The following PCDHA3 variants were observed in gnomAD, a reference collection of about 807,000 sequenced individuals.
The protein encoded by PCDHA3 is protocadherin alpha-3.
In PCDHA3, 41 loss-of-function variants were observed where a neutral mutation model predicts 62.2. The observed-to-expected ratio is 0.66, with a 90% CI of 0.51 to 0.86. The LOEUF is 0.86. Ranked by LOEUF, PCDHA3 falls within the 40% of genes least tolerant of loss-of-function variation. The pLI is 0.00. For missense variants in PCDHA3, 1,304 were observed against 1,241.2 expected (o/e 1.05, Z -0.76); for synonymous variants, 640 against 555.4 (o/e 1.15, Z -2.14).
rs1451807345 is a variant in PCDHA3, at chr5:140,860,140, T to A, written c.2394+56549T>A. 3 of 150,428 alleles carry A rather than the reference T, an allele frequency of 2.0e-5. No homozygotes were observed. The South Asian group carries it at 6.2e-4, about 31-fold the overall frequency. 9.3% of individuals were successfully genotyped at this position (150,428 alleles called of 1,614,324 possible). On this transcript the variant is annotated intron_variant, in intron 1 of 3. Transcript: ENST00000522353. ...CTTGTACTGTGTGTGTGTGTATATA[T>A]ATGTATATATGTGTATATATATATG...
chr5:140,872,160 C>A (rs782612001), intron 1 of PCDHA3, among the ~76,000 whole-genome samples: 10 of 151,070 alleles, frequency 6.6e-5, no homozygotes, highest in African/African-American at 9.8e-5. Context: ...ACATGATTTA[C>A]TTTTCTTTTT....
chr5:140,961,571 A>AT (rs2095622432), intron 1 of PCDHA3, among the ~76,000 whole-genome samples: 1 of 152,076 alleles, frequency 6.6e-6, no homozygotes. Flanking sequence ...TTTTGTTTTG[A>AT]TAAGCATTTA....
chr5:140,812,658 C>T (rs1765153974), intron 1 of PCDHA3: 1 of 152,166 alleles, frequency 6.6e-6, no homozygotes, highest in African/African-American at 2.4e-5. Context: ...CAAGATCTCA[C>T]TATGATGTAC....
intron 1 of PCDHA3, chr5:140,849,515 T>C: frequency 6.3e-7 from 1 of 1,596,992 alleles, no homozygotes; most frequent in Non-Finnish European, 8.6e-7. Context: ...TTGTGGAAGT[T>C]GTGGATGTAA....
At chr5:140,967,056 G>C in intron 1 of PCDHA3, 1 of 1,612,712 alleles carries the variant, frequency 6.2e-7, no homozygotes, top group Non-Finnish European at 8.5e-7. Flanking sequence ...CTGACGAGTG[G>C]AGCGCTCTTC....
At chr5:140,823,690 A>G in intron 1 of PCDHA3, 2 of 1,613,904 alleles carry the variant, frequency 1.2e-6, no homozygotes, top group South Asian at 2.2e-5. Context: ...TCTGGATGAG[A>G]CCGAAGCACC....
Position 140,979,718 on chromosome 5 carries a change from T to C in PCDHA3, c.2453+711T>C, listed in dbSNP as rs372148471. Among the ~76,000 whole-genome samples, 17 of 152,388 alleles carry C rather than the reference T, an allele frequency of 1.1e-4. No homozygotes were observed. The East Asian group carries it at 2.7e-3, about 24-fold the overall frequency. On this transcript the variant is annotated intron_variant, in intron 2 of 3. Transcript: ENST00000522353. ...ATTTCTGGAGGTGATCCAGTATCCA[T>C]GCCATGGGGCCAAATAAAAGATTCA...
intron 1 of PCDHA3, chr5:140,815,313 T>C (rs1330793235): frequency 1.3e-5 from 2 of 152,162 alleles, no homozygotes; most frequent in Non-Finnish European, 2.9e-5. Flanking sequence ...AGAATTGTAA[T>C]GCTATGTTTT....
intron 1 of PCDHA3, among the ~76,000 whole-genome samples, chr5:140,901,300 C>T (rs189786790): frequency 3.3e-5 from 5 of 152,176 alleles, no homozygotes; most frequent in African/African-American, 9.6e-5. Flanking sequence ...ACTGATGTTC[C>T]GGAGAGTTTC....
chr5:141,009,948 T>C lies in PCDHA3; in HGVS notation c.*11T>C, dbSNP rs201131092. 1 of 1,595,948 alleles carries C rather than the reference T, an allele frequency of 6.3e-7. No individual in the cohort carries two copies. The highest frequency in any genetic ancestry group is 1.4e-5 in the African/African-American group (1 of 73,610). On this transcript the variant is annotated 3_prime_UTR_variant, in exon 4 of 4. Coordinates refer to ENST00000522353, the MANE Select transcript of PCDHA3 (RefSeq NM_018906.3). ...AACAGTGACCAGTGAGGTCCTCAAA[T>C]GGAAACAAGCCACTTAGCCAGTTTT...
intron 1 of PCDHA3, among the ~76,000 whole-genome samples, chr5:140,938,097 A>AT (rs775272450): frequency 6.6e-6 from 1 of 151,930 alleles, no homozygotes; most frequent in Non-Finnish European, 1.5e-5. Flanking sequence ...TTATTATTGT[A>AT]TTTTTTACTT....
At chr5:140,842,748 C>T (rs149941021) in intron 1 of PCDHA3, 2 of 1,595,020 alleles carry the variant, frequency 1.3e-6, no homozygotes, top group East Asian at 2.2e-5. Flanking sequence ...CACATCTTCA[C>T]GGTGTCTGCG....
At chr5:140,959,607 C>T (rs2095500489) in intron 1 of PCDHA3, among the ~76,000 whole-genome samples, 1 of 151,986 alleles carries the variant, frequency 6.6e-6, no homozygotes, top group African/African-American at 2.4e-5. Flanking sequence ...ACATGCTTTT[C>T]TTGCTTGTGA....
At chr5:140,819,356 A>G (rs1766542325) in intron 1 of PCDHA3, among the ~76,000 whole-genome samples, 1 of 152,128 alleles carries the variant, frequency 6.6e-6, no homozygotes, top group African/African-American at 2.4e-5. Flanking sequence ...ATGAAGATTA[A>G]ATTTTCTTGT....
At chr5:140,944,089 A>G (rs2093608705) in intron 1 of PCDHA3, among the ~76,000 whole-genome samples, 2 of 152,250 alleles carry the variant, frequency 1.3e-5, no homozygotes, top group Non-Finnish European at 1.5e-5. Context: ...AGGCCTGAGT[A>G]AGTTTATATC....
chr5:140,814,568 G>A (rs1554126549), intron 1 of PCDHA3: 1 of 151,628 alleles, frequency 6.6e-6, no homozygotes. Flanking sequence ...CAAGTATTAT[G>A]TACTGTAAAT....
chr5:140,966,281 G>T, intron 1 of PCDHA3: 1 of 366,828 alleles, frequency 2.7e-6, no homozygotes, highest in Non-Finnish European at 4.8e-6. Context: ...TGGACAGTGG[G>T]GGTAGGGAGA....
intron 1 of PCDHA3, among the ~76,000 whole-genome samples, chr5:140,881,114 T>A (rs2058590741): frequency 6.6e-6 from 1 of 152,204 alleles, no homozygotes; most frequent in Admixed American, 6.5e-5. Context: ...GGCCTGGGAT[T>A]TTGTGGCTTG....
intron 1 of PCDHA3, among the ~76,000 whole-genome samples, chr5:140,885,974 T>C (rs2060795303): frequency 6.6e-6 from 1 of 152,200 alleles, no homozygotes; most frequent in Admixed American, 6.5e-5. Flanking sequence ...GAGATAATTA[T>C]AGATTCGCAT....
Sources: gnomAD v4.1 joint callset for allele counts (sites outside exome capture counted in the v4.1 genomes callset) on GRCh38, gnomAD v4.1.1 for gene constraint, MANE v1.5 for transcripts, NCBI Gene and HGNC (gene_info 2026-07-23, HGNC 2026-07-21) for gene names.